Variants in COL23A1 observed in about 807,000 individuals in gnomAD.
COL23A1 encodes collagen type XXIII alpha 1 chain, also known as collagen alpha-1(XXIII) chain.
Under a neutral mutation model 99.3 loss-of-function variants are expected in COL23A1, and 97 were observed. That is an observed-to-expected ratio of 0.98 (90% confidence interval 0.83 to 1.16). The LOEUF (loss-of-function observed/expected upper bound fraction) is 1.16. Among genes scored for constraint, COL23A1 ranks in the 50% most tolerant of loss-of-function variants. COL23A1 has a pLI of 0.00. For synonymous variants in COL23A1, 320 were observed against 308.2 expected, an observed-to-expected ratio of 1.04 and a Z score of -0.40; for missense variants, 762 against 757.4, an observed-to-expected ratio of 1.01 and a Z score of -0.07.
In COL23A1 at chr5:178,238,374, A is replaced by C; in HGVS notation, c.*324T>G. ...CTTACAGGGCAGTACCACAGCTGAG[A>C]GTCTCTCTGCTGATCAGGTGACTGA... On this transcript the variant is annotated 3_prime_UTR_variant, in exon 29 of 29. Coordinates refer to ENST00000390654, the MANE Select transcript of COL23A1 (RefSeq NM_173465.4). 2.7e-6 allele frequency: 1 copy of C among 364,768 alleles called. No individual in the cohort carries two copies. Among genetic ancestry groups the C allele is most frequent in the Non-Finnish European group, 5.1e-6 (1 of 196,980 alleles). 22.6% of individuals were successfully genotyped at this position (364,768 alleles called of 1,614,324 possible).
chr5:178,248,942 G>A (rs1380230269), intron 19 of COL23A1, among the ~76,000 whole-genome samples, 175 bp downstream of exon 19: 2 of 152,230 alleles, frequency 1.3e-5, no homozygotes, highest in African/African-American at 2.4e-5. Context: ...AGTGGAGGCC[G>A]GGAGAGAGGA....
intron 8 of COL23A1, among the ~76,000 whole-genome samples, chr5:178,263,754 C>A (rs1039381577): frequency 3.3e-5 from 5 of 152,218 alleles, no homozygotes; most frequent in Admixed American, 6.5e-5. Flanking sequence ...GGCATTTATC[C>A]TTGTTCACAG....
intron 2 of COL23A1, among the ~76,000 whole-genome samples, chr5:178,542,794 G>A (rs916729107): frequency 2.6e-5 from 4 of 152,170 alleles, no homozygotes; most frequent in African/African-American, 7.2e-5. Flanking sequence ...GAGTAAGAAC[G>A]GCCGGGCCTC....
At chr5:178,454,444 C>T (rs1218116050) in intron 2 of COL23A1, among the ~76,000 whole-genome samples, 3 of 152,190 alleles carry the variant, frequency 2.0e-5, no homozygotes, top group Non-Finnish European at 4.4e-5. Flanking sequence ...GTGCATTGCT[C>T]TCCAGTGAGG....
intron 2 of COL23A1, among the ~76,000 whole-genome samples, chr5:178,551,000 C>T (rs1761968128): frequency 6.6e-6 from 1 of 152,032 alleles, no homozygotes; most frequent in South Asian, 2.1e-4. Context: ...AACAGCAAAC[C>T]GCTTGATTCT....
chr5:178,490,046 CA>C (rs1757844779), intron 2 of COL23A1, among the ~76,000 whole-genome samples: 1 of 151,602 alleles, frequency 6.6e-6, no homozygotes, highest in Admixed American at 6.6e-5. Context: ...CCAGCCTGGC[CA>C]AAATGGTGAA....
chr5:178,499,603 A>G (rs1758412537), intron 2 of COL23A1, among the ~76,000 whole-genome samples: 1 of 152,250 alleles, frequency 6.6e-6, no homozygotes, highest in South Asian at 2.1e-4. Context: ...GCTAAGAGGA[A>G]CCCAGGAAGA....
chr5:178,382,199 C>A (rs142779128), intron 2 of COL23A1, among the ~76,000 whole-genome samples: 348 of 152,234 alleles, frequency 2.3e-3, no homozygotes, highest in Middle Eastern at 0.01. Context: ...CTGAGGGTCA[C>A]ACAAGAGTGG....
At chr5:178,332,302 T>C (rs1186400249) in intron 2 of COL23A1, among the ~76,000 whole-genome samples, 1 of 152,134 alleles carries the variant, frequency 6.6e-6, no homozygotes, top group Non-Finnish European at 1.5e-5. Flanking sequence ...GATGCAGGTG[T>C]GATTTACGGT....
chr5:178,467,944 C>T (rs1014546855), intron 2 of COL23A1, among the ~76,000 whole-genome samples: 1 of 152,166 alleles, frequency 6.6e-6, no homozygotes, highest in African/African-American at 2.4e-5. Flanking sequence ...GCGTTAGCGA[C>T]ACACGGGCCC....
At position 178,255,164 on chromosome 5, in the gene COL23A1, C is replaced by A; in HGVS notation, c.883-138G>T. 1 of 708,546 alleles carries A rather than the reference C, an allele frequency of 1.4e-6. No individual in the cohort carries two copies. The allele number at this position is 708,546 out of a possible 1,614,324, so 43.9% of individuals were successfully genotyped here. A position where few individuals can be genotyped will look rare whatever the true frequency, so the allele number is the denominator to read the frequency against. ...ACCCAGGCTGCACGCATGCCCCTCC[C>A]CAGGGTGGATGGAGGGAACGGGAGG... On this transcript the variant is annotated intron_variant, in intron 15 of 28. Transcript: ENST00000390654. This position sits in a 1 kb window ranked among gnomAD's most constrained non-coding sequence, Gnocchi z 4.2.
rs969784485 is a variant in COL23A1 at position 178,366,778 on chromosome 5, A to T, written c.362-59859T>A. On this transcript the variant is annotated intron_variant, in intron 2 of 28. Coordinates refer to ENST00000390654, the MANE Select transcript of COL23A1 (RefSeq NM_173465.4). This position sits in a 1 kb window ranked among gnomAD's most constrained non-coding sequence, Gnocchi z 4.4. ...CTTCTGCTGGTCTAAATCATTATCT[A>T]TTGCTGAGGCTCACAGCAGATGTCG... Among the ~76,000 whole-genome samples the T allele has an allele frequency of 1.3e-5, 2 of 152,052 alleles. No individual in the cohort carries two copies. The highest frequency in any genetic ancestry group is 4.8e-5 in the African/African-American group (2 of 41,396).
chr5:178,532,696 T>A (rs945851786), intron 2 of COL23A1, among the ~76,000 whole-genome samples: 3 of 152,134 alleles, frequency 2.0e-5, no homozygotes, highest in Non-Finnish European at 4.4e-5. Context: ...TAATCCCAAC[T>A]GTGATGATGG....
At position 178,382,099 on chromosome 5, in the gene COL23A1, G is replaced by A. The variant is rs746394662; in HGVS notation, c.362-75180C>T. Reference sequence around the variant, plus strand: ...GTTCTCAGTCCGCACTGGAATCTTCGGGGGGAATGGGTGGGGCATTCTGGC... The same window carrying A: ...GTTCTCAGTCCGCACTGGAATCTTCAGGGGGAATGGGTGGGGCATTCTGGC... On this transcript the variant is annotated intron_variant, in intron 2 of 28. Transcript: ENST00000390654. Among the ~76,000 whole-genome samples, 9 of 151,186 alleles carry A rather than the reference G, an allele frequency of 6.0e-5. 1 individual carries two copies. The highest frequency in any genetic ancestry group is 1.2e-4 in the Non-Finnish European group (8 of 67,552).
intron 10 of COL23A1, 35 bp downstream of exon 10, chr5:178,262,179 CTAG>C: frequency 6.4e-7 from 1 of 1,565,476 alleles, no homozygotes; most frequent in South Asian, 1.2e-5. Context: ...AACCATGATC[CTAG>C]CAGCCCAGGC....
At chr5:178,515,963 T>G (rs1759483418) in intron 2 of COL23A1, among the ~76,000 whole-genome samples, 1 of 152,156 alleles carries the variant, frequency 6.6e-6, no homozygotes, top group Non-Finnish European at 1.5e-5. Flanking sequence ...CTGCACGCCC[T>G]TCCCTTGTCT....
intron 2 of COL23A1, among the ~76,000 whole-genome samples, chr5:178,349,527 C>T (rs1474045426): frequency 2.6e-5 from 1 of 38,676 alleles, no homozygotes; most frequent in Non-Finnish European, 5.0e-5. Flanking sequence ...CCTGGCCCTC[C>T]CTAGGCAGGG....
At chr5:178,410,505 G>A (rs1321102857) in intron 2 of COL23A1, among the ~76,000 whole-genome samples, 2 of 152,214 alleles carry the variant, frequency 1.3e-5, no homozygotes, top group Admixed American at 1.3e-4. Context: ...AAACAGTGGG[G>A]CATTGGCATA....
chr5:178,548,071 C>T (rs1472865826), intron 2 of COL23A1, among the ~76,000 whole-genome samples: 1 of 94,298 alleles, frequency 1.1e-5, no homozygotes, highest in Non-Finnish European at 2.2e-5. Context: ...CCCCCCTCAC[C>T]CCCACACACA....
Sources: allele counts gnomAD v4.1 joint callset (sites outside exome capture counted in the v4.1 genomes callset), GRCh38; gene constraint gnomAD v4.1.1; non-coding constraint Gnocchi (gnomAD v3.1); transcripts MANE v1.5; gene names NCBI Gene and HGNC (gene_info 2026-07-23, HGNC 2026-07-21).